The following DMD variants were observed in gnomAD, a reference collection of about 807,000 sequenced individuals.
DMD encodes dystrophin.
Under a neutral mutation model 330.1 loss-of-function variants are expected in DMD, and 63 were observed. The observed-to-expected ratio is 0.19, with a 90% confidence interval of 0.16 to 0.24. The LOEUF is 0.24. Among genes scored for constraint, DMD ranks in the 10% least tolerant of loss-of-function variants. The pLI is 1.00. For synonymous variants in DMD, 1,223 were observed against 959.8 expected, an observed-to-expected ratio of 1.27 and a Z score of -5.07; for missense variants, 3,344 against 2,684.1, an observed-to-expected ratio of 1.25 and a Z score of -5.43.
chrX:32,675,344 T>G (rs1380998010), intron 9 of DMD, among the ~76,000 whole-genome samples: 1 of 111,464 alleles, frequency 9.0e-6, no homozygotes, highest in Non-Finnish European at 1.9e-5. Flanking sequence ...TAATATCATC[T>G]GAATCTCTTT....
chrX:33,211,695 C>T (rs2051925599), upstream of DMD: 1 of 405,727 alleles, frequency 2.5e-6, no homozygotes, highest in East Asian at 9.0e-5. Context: ...GCATGGCAAG[C>T]TCTGTGAATT....
At chrX:31,137,562 C>T (rs1401700462) in intron 76 of DMD, among the ~76,000 whole-genome samples, 1 of 110,258 alleles carries the variant, frequency 9.1e-6, no homozygotes, top group Non-Finnish European at 1.9e-5. Context: ...TTTATTTATT[C>T]AAATATTTAT....
At chrX:33,217,937 A>C (rs759185903) in intron 1 of DMD, among the ~76,000 whole-genome samples, 147 of 111,237 alleles carry the variant, frequency 1.3e-3, no homozygotes, top group African/African-American at 4.3e-3. Flanking sequence ...CTTTTCTTGC[A>C]TTTTTACACT....
chrX:32,593,246 AT>A (rs2055139275), intron 13 of DMD, among the ~76,000 whole-genome samples: 1 of 112,442 alleles, frequency 8.9e-6, no homozygotes, highest in African/African-American at 3.2e-5. Context: ...TTTTCCTCCA[AT>A]GTATGATTTA....
chrX:32,233,599 T>TTTTA (rs767364915), intron 43 of DMD, among the ~76,000 whole-genome samples: 19,183 of 87,680 alleles, frequency 0.22, 2,017 homozygotes, highest in Middle Eastern at 0.25. Flanking sequence ...TTTCTTTTTC[T>TTTTA]TTTATTTATT....
At chrX:33,195,760 G>GTGTGTA (rs1476275831) in intron 1 of DMD, among the ~76,000 whole-genome samples, 2 of 108,312 alleles carry the variant, frequency 1.8e-5, no homozygotes, top group Non-Finnish European at 3.8e-5. Context: ...GTGTGTGTGT[G>GTGTGTA]TGTGTGTACA....
chrX:32,243,040 GA>G (rs757496006), intron 43 of DMD, among the ~76,000 whole-genome samples: 1 of 107,646 alleles, frequency 9.3e-6, no homozygotes, highest in African/African-American at 3.4e-5. Context: ...AGAAAAGAAA[GA>G]AAAAAAGAAA....
chrX:32,218,840 C>A (rs929085744), intron 43 of DMD, among the ~76,000 whole-genome samples: 2 of 111,886 alleles, frequency 1.8e-5, no homozygotes, highest in Admixed American at 1.9e-4. Context: ...GTTTCAATGG[C>A]ACTTTTCTAC....
rs781015830 is a variant in DMD at position 32,545,210 on chromosome X, G to T, written c.2117C>A (p.Pro706Gln). 81 of 1,208,820 alleles carry T rather than the reference G, an allele frequency of 6.7e-5. No homozygotes were observed. In the Middle Eastern group the frequency reaches 1.1e-3, roughly 17 times the overall value. The change falls in exon 17 of 79, where the codon CCA becomes CAA. Residue 706 changes from proline (P) to glutamine (Q), a missense_variant. Physicochemically the swap from Pro to Gln is moderately conservative, Grantham distance 76 (BLOSUM62 -1). Coordinates refer to ENST00000357033, the MANE Select transcript of DMD (RefSeq NM_004006.3). Reference sequence around the variant, plus strand: ...AATCTGCCTCTTCTTTTGGGGAGGTGGTGGTGGAAGTTCCTCTTGAGCATG... The same window carrying T: ...AATCTGCCTCTTCTTTTGGGGAGGTTGTGGTGGAAGTTCCTCTTGAGCATG... The part of the protein sequence containing the change: ...VKHAQEELPP[P>Q]PPQKKRQITV...
chrX:32,972,735 A>C (rs1207327120), intron 2 of DMD, among the ~76,000 whole-genome samples: 2 of 111,804 alleles, frequency 1.8e-5, no homozygotes, highest in African/African-American at 6.5e-5. Flanking sequence ...GTTCATTAGC[A>C]TCTCCGTACT....
intron 44 of DMD, among the ~76,000 whole-genome samples, chrX:32,117,389 G>A (rs758172322): frequency 3.6e-5 from 4 of 111,906 alleles, no homozygotes; most frequent in Non-Finnish European, 5.6e-5. Context: ...AAAGGTTATT[G>A]TTTATTCTAC....
chrX:32,738,677 C>T (rs1397960216), intron 7 of DMD, among the ~76,000 whole-genome samples: 2 of 94,361 alleles, frequency 2.1e-5, no homozygotes, highest in African/African-American at 6.9e-5. Flanking sequence ...ACTTCTTCTA[C>T]ATGTTCACTT....
At chrX:32,795,790 G>C (rs2076139659) in intron 7 of DMD, among the ~76,000 whole-genome samples, 1 of 111,426 alleles carries the variant, frequency 9.0e-6, no homozygotes. Context: ...ATTAAAAATG[G>C]ACAAAGGACA....
chrX:32,357,652 T>TAC (rs1324218233), intron 37 of DMD, among the ~76,000 whole-genome samples: 9 of 61,890 alleles, frequency 1.5e-4, no homozygotes, highest in African/African-American at 5.6e-4. Flanking sequence ...CAACAGTGCA[T>TAC]ACACAGATAC....
intron 41 of DMD, among the ~76,000 whole-genome samples, chrX:32,325,764 C>G (rs1197421927): frequency 9.2e-6 from 1 of 108,527 alleles, no homozygotes; most frequent in African/African-American, 3.4e-5. Flanking sequence ...TGACAGCATC[C>G]AATACTCGAT....
intron 21 of DMD, among the ~76,000 whole-genome samples, chrX:32,475,071 T>C (rs1398639629): frequency 9.0e-6 from 1 of 111,484 alleles, no homozygotes; most frequent in Non-Finnish European, 1.9e-5. Flanking sequence ...GTCTCCCACA[T>C]GTGGCTAGCC....
chrX:33,188,052 G>A (rs1443951343), intron 1 of DMD, among the ~76,000 whole-genome samples: 1 of 110,984 alleles, frequency 9.0e-6, no homozygotes, highest in Admixed American at 9.7e-5. Flanking sequence ...CTGGGTCTTA[G>A]TTTTGTATCT....
At chrX:32,822,118 A>C (rs2078310512) in intron 5 of DMD, among the ~76,000 whole-genome samples, 1 of 111,996 alleles carries the variant, frequency 8.9e-6, no homozygotes, top group African/African-American at 3.2e-5. Context: ...TCAGCCTCCA[A>C]ATTTTTTAAA....
At chrX:32,210,125 T>C (rs905101823) in intron 44 of DMD, among the ~76,000 whole-genome samples, 1 of 112,033 alleles carries the variant, frequency 8.9e-6, no homozygotes. Flanking sequence ...TTAACTCTCA[T>C]GCCACTACCA....
Sources: gnomAD v4.1 joint callset for allele counts (sites outside exome capture counted in the v4.1 genomes callset) on GRCh38, gnomAD v4.1.1 for gene constraint, MANE v1.5 for transcripts, NCBI Gene and HGNC (gene_info 2026-07-23, HGNC 2026-07-21) for gene names.